The following EPB41 variants were observed in gnomAD, a reference collection of about 807,000 sequenced individuals.
EPB41 encodes the protein erythrocyte membrane protein band 4.1, also known as protein 4.1.
A neutral mutation model predicts 108.0 loss-of-function variants in EPB41; 65 were observed. The observed-to-expected ratio is 0.60, with a 90% CI of 0.49 to 0.74. EPB41 has a LOEUF of 0.74. Among genes scored for constraint, EPB41 ranks in the 30% least tolerant of loss-of-function variants. The probability of loss-of-function intolerance (pLI) is 0.00; values close to 1 mark genes in which losing one functional copy is unlikely to be tolerated. For synonymous variants in EPB41, 336 were observed against 358.9 expected (o/e 0.94, Z 0.72); for missense variants, 875 against 1,037.0 (o/e 0.84, Z 2.15).
intron 1 of EPB41, among the ~76,000 whole-genome samples, chr1:28,908,738 A>G (rs1235626493): frequency 6.6e-6 from 1 of 151,862 alleles, no homozygotes; most frequent in African/African-American, 2.4e-5. Context: ...CCCAAGTATC[A>G]TTTTTAAGAG....
intron 1 of EPB41, chr1:28,890,840 C>T: frequency 1.1e-6 from 1 of 879,374 alleles, no homozygotes; most frequent in Non-Finnish European, 1.4e-6. Flanking sequence ...AAGCCCAGAC[C>T]TAACTAAGAG....
chr1:29,025,452 G>A (rs1263733828), intron 7 of EPB41, among the ~76,000 whole-genome samples: 1 of 151,872 alleles, frequency 6.6e-6, no homozygotes, highest in Non-Finnish European at 1.5e-5. Flanking sequence ...ATTATTAGGT[G>A]GTACTGAAAA....
At position 28,967,101 on chromosome 1, in the gene EPB41, C is replaced by T. The variant is rs1221293353; in HGVS notation, c.-7-20330C>T. Among the ~76,000 whole-genome samples the T allele has an allele frequency of 2.1e-5, 3 of 140,074 alleles. No homozygotes were observed. In the Admixed American group the frequency reaches 2.4e-4, roughly 11 times the overall value. The allele number at this position is 140,074 out of a possible 152,430, so 91.9% of individuals were successfully genotyped here. On this transcript the variant is annotated intron_variant, in intron 1 of 20. Transcript: ENST00000343067. ...TGGCATGATCTCTACTCACTGCAAG[C>T]TCTGCCTCCAGGGTTCAAGCGATTC...
At position 29,099,460 on chromosome 1, in the gene EPB41, G is replaced by A. The variant is rs184068713; in HGVS notation, c.2313+1525G>A. 8.0e-4 allele frequency among the ~76,000 whole-genome samples: 122 copies of A among 152,112 alleles called. 3 individuals are homozygous for A. The highest frequency in any genetic ancestry group is 7.5e-3 in the East Asian group (39 of 5,176). On this transcript the variant is annotated intron_variant, in intron 17 of 20. Coordinates refer to ENST00000343067, the MANE Select transcript of EPB41 (RefSeq NM_001376013.1). ...CCCACCTTTGCCTCCCAAGTAGCTGGAACTACAGGCATGCACAGCTGCACC... is the reference window on the plus strand; with the variant it reads ...CCCACCTTTGCCTCCCAAGTAGCTGAAACTACAGGCATGCACAGCTGCACC...
chr1:28,894,146 G>T (rs2090427735), intron 1 of EPB41, among the ~76,000 whole-genome samples: 1 of 152,156 alleles, frequency 6.6e-6, no homozygotes, highest in Non-Finnish European at 1.5e-5. Context: ...TGCAAAATAA[G>T]AATATGAATA....
At chr1:29,083,792 A>G (rs1318961307) in intron 16 of EPB41, among the ~76,000 whole-genome samples, 2 of 152,334 alleles carry the variant, frequency 1.3e-5, no homozygotes. Context: ...TCCCCTAGGC[A>G]CTTAAAGCCA....
At chr1:28,932,166 A>T (rs2093783872) in intron 1 of EPB41, among the ~76,000 whole-genome samples, 1 of 152,156 alleles carries the variant, frequency 6.6e-6, no homozygotes, top group South Asian at 2.1e-4. Flanking sequence ...TCTGTTGCCC[A>T]GGCTGGAGTG....
intron 17 of EPB41, among the ~76,000 whole-genome samples, chr1:29,099,351 G>T (rs1664451334): frequency 1.3e-5 from 2 of 151,634 alleles, no homozygotes; most frequent in African/African-American, 4.8e-5. Flanking sequence ...CTGAGAAAGG[G>T]TCTCACTCTG....
chr1:29,048,375 C>T (rs942167436), intron 11 of EPB41, among the ~76,000 whole-genome samples: 6 of 151,910 alleles, frequency 3.9e-5, no homozygotes, highest in East Asian at 3.9e-4. Flanking sequence ...CCACCACGCC[C>T]GGCTAATTTT....
intron 2 of EPB41, among the ~76,000 whole-genome samples, chr1:28,992,632 T>C (rs534358893): frequency 6.6e-6 from 1 of 152,176 alleles, no homozygotes; most frequent in South Asian, 2.1e-4. Context: ...GAGCTTGGAG[T>C]AAGCCGAGAT....
intron 4 of EPB41, 85 bp downstream of exon 4, chr1:28,997,404 C>G (rs1300236660): frequency 1.2e-6 from 1 of 828,320 alleles, no homozygotes; most frequent in African/African-American, 1.7e-5. Context: ...ATACCTGCTT[C>G]TCTAAGCCAG....
intron 1 of EPB41, among the ~76,000 whole-genome samples, chr1:28,888,016 G>T (rs1268605661): frequency 2.0e-5 from 3 of 152,326 alleles, no homozygotes; most frequent in East Asian, 1.9e-4. Flanking sequence ...ACCTCTTCAG[G>T]GTGGGACAGG....
intron 1 of EPB41, among the ~76,000 whole-genome samples, chr1:28,939,454 A>G (rs1448334799): frequency 6.6e-6 from 1 of 151,160 alleles, no homozygotes; most frequent in African/African-American, 2.4e-5. Flanking sequence ...ATTTTTATTT[A>G]TTTATTTTTT....
chr1:28,931,440 T>C (rs2093738192), intron 1 of EPB41, among the ~76,000 whole-genome samples: 1 of 151,548 alleles, frequency 6.6e-6, no homozygotes, highest in Non-Finnish European at 1.5e-5. Context: ...TAGCTTAACA[T>C]TTTAATTAAC....
In EPB41 at chr1:29,089,171, C is replaced by T. The variant is rs142023322; in HGVS notation, c.2185-8636C>T. Among the ~76,000 whole-genome samples the T allele has an allele frequency of 4.6e-5, 7 of 152,224 alleles. No individual in the cohort carries two copies. The East Asian group carries it at 1.2e-3, about 25-fold the overall frequency. On this transcript the variant is annotated intron_variant, in intron 16 of 20. Transcript: ENST00000343067. Reference sequence around the variant, plus strand: ...ACATGCTCAAGTGATTAGCACAGCACCTGGCACATGGTAAACATACAAAAA... The same window carrying T: ...ACATGCTCAAGTGATTAGCACAGCATCTGGCACATGGTAAACATACAAAAA...
In EPB41 at chr1:29,021,352, G is replaced by C. The variant is rs140731104; in HGVS notation, c.1124+2910G>C. On this transcript the variant is annotated intron_variant, in intron 7 of 20. Coordinates refer to ENST00000343067, the MANE Select transcript of EPB41 (RefSeq NM_001376013.1). The stretch of plus-strand genomic sequence containing the variant: ...CTAAGAGTCACTATATTGTTCTCCA[G>C]CATGCACTTGCAGCTGGAAGTGCAA... 5.4e-3 allele frequency among the ~76,000 whole-genome samples: 826 copies of C among 152,278 alleles called. 6 individuals are homozygous for C. The highest frequency in any genetic ancestry group is 8.5e-3 in the Non-Finnish European group (578 of 68,012).
rs369060270 is a variant in EPB41, at chr1:28,902,173, A to G, written c.-8+14963A>G. The G allele has an allele frequency of 7.0e-5, 69 of 985,294 alleles. No homozygotes were observed. In the African/African-American group the frequency reaches 1.2e-3, roughly 16 times the overall value. The allele number at this position is 985,294 out of a possible 1,614,324, so 61.0% of individuals were successfully genotyped here. A position where few individuals can be genotyped will look rare whatever the true frequency, so the allele number is the denominator to read the frequency against. On this transcript the variant is annotated intron_variant, in intron 1 of 16. Coordinates refer to the EPB41 transcript ENST00000347529. ...CTCAATAAATGTGTGAATGAGAGAA[A>G]AAGTGAGCGGTCATCATCCTTTCCA...
rs894991894 is a variant in EPB41, at chr1:29,023,195, A to C, written c.1124+4753A>C. 2.6e-5 allele frequency among the ~76,000 whole-genome samples: 4 copies of C among 151,764 alleles called. No individual in the cohort carries two copies. In the South Asian group the frequency reaches 6.2e-4, roughly 24 times the overall value. On this transcript the variant is annotated intron_variant, in intron 7 of 20. Transcript: ENST00000343067. ...TTTTTAGCAGAGACAGGGTTTCACC[A>C]TGTTGGCCAGGCTGGTCCTGAACTC... is the stretch of plus-strand genomic sequence containing the variant.
intron 1 of EPB41, among the ~76,000 whole-genome samples, chr1:28,970,717 T>G (rs995408041): frequency 1.3e-5 from 2 of 152,236 alleles, no homozygotes; most frequent in Non-Finnish European, 2.9e-5. Context: ...ACTTACCTTA[T>G]AGCCTCAACT....
Sources: allele counts gnomAD v4.1 joint callset (sites outside exome capture counted in the v4.1 genomes callset), GRCh38; gene constraint gnomAD v4.1.1; transcripts MANE v1.5; gene names NCBI Gene and HGNC (gene_info 2026-07-23, HGNC 2026-07-21).